The following NCKAP5 variants were observed in gnomAD, a reference collection of about 807,000 sequenced individuals.
NCKAP5 encodes NCK associated protein 5.
A neutral mutation model predicts 167.0 loss-of-function variants in NCKAP5; 92 were observed. The observed-to-expected ratio is 0.55, with a 90% CI of 0.47 to 0.66. The LOEUF (loss-of-function observed/expected upper bound fraction) is 0.66. Among genes scored for constraint, NCKAP5 ranks in the 30% least tolerant of loss-of-function variants. The probability of loss-of-function intolerance (pLI) is 0.00; values close to 1 mark genes in which losing one functional copy is unlikely to be tolerated. For synonymous variants in NCKAP5, 891 were observed against 877.4 expected, an observed-to-expected ratio of 1.02 and a Z score of -0.27; for missense variants, 2,378 against 2,315.0, an observed-to-expected ratio of 1.03 and a Z score of -0.56.
intron 7 of NCKAP5, among the ~76,000 whole-genome samples, chr2:132,965,047 C>T (rs890614919): frequency 5.3e-5 from 8 of 151,942 alleles, no homozygotes; most frequent in South Asian, 2.1e-4. Flanking sequence ...TCAGTGTATA[C>T]GTGTGTGTAT....
At chr2:132,906,802 TTGA>T (rs1694042305) in intron 8 of NCKAP5, among the ~76,000 whole-genome samples, 1 of 152,170 alleles carries the variant, frequency 6.6e-6, no homozygotes, top group Admixed American at 6.5e-5. Context: ...GAGCACTGAT[TTGA>T]TGATGGAGAA....
chr2:133,346,341 A>G (rs1683976057), intron 3 of NCKAP5, among the ~76,000 whole-genome samples: 1 of 152,178 alleles, frequency 6.6e-6, no homozygotes, highest in Admixed American at 6.5e-5. Flanking sequence ...TTCCAAGAAG[A>G]GGAGAGATTG....
intron 3 of NCKAP5, among the ~76,000 whole-genome samples, chr2:133,424,801 C>G (rs939212178): frequency 6.6e-6 from 1 of 152,110 alleles, no homozygotes; most frequent in South Asian, 2.1e-4. Context: ...TTCTGAGGCA[C>G]GTGACAGTTT....
chr2:132,954,634 T>C (rs1328614041), intron 8 of NCKAP5: 5 of 454,976 alleles, frequency 1.1e-5, no homozygotes, highest in Non-Finnish European at 2.2e-5. Flanking sequence ...AAGTATTGAA[T>C]AATGTGGAGA....
chr2:132,899,840 A>T (rs115899093), intron 8 of NCKAP5, among the ~76,000 whole-genome samples: 4,827 of 152,278 alleles, frequency 0.032, 248 homozygotes, highest in African/African-American at 0.11. Flanking sequence ...GAGCCACTAC[A>T]TTCCAGCCTG....
Position 133,288,719 on chromosome 2 carries a change from T to C in NCKAP5, c.143+14318A>G, listed in dbSNP as rs183515709. ...TGGGTCCACCAGCATGCTGTTTCAT[T>C]ACCTCAGGAAGGTTTGGTGCCAAGA... On this transcript the variant is annotated intron_variant, in intron 4 of 19. Transcript: ENST00000409261. 4.7e-4 allele frequency among the ~76,000 whole-genome samples: 72 copies of C among 152,242 alleles called. No homozygotes were observed. The Middle Eastern group carries it at 0.02, about 43-fold the overall frequency.
intron 3 of NCKAP5, among the ~76,000 whole-genome samples, chr2:133,473,276 G>C (rs990419251): frequency 3.3e-5 from 5 of 151,882 alleles, no homozygotes; most frequent in Non-Finnish European, 7.4e-5. Context: ...AGGTTGCAGT[G>C]AGCCGAGATC....
chr2:133,594,950 C>A, the NCKAP5 span, among the ~76,000 whole-genome samples: 2 of 152,144 alleles, frequency 1.3e-5, no homozygotes, highest in Admixed American at 1.3e-4. Context: ...GACAACATCC[C>A]ACCCTCAAGC....
intron 3 of NCKAP5, among the ~76,000 whole-genome samples, chr2:133,416,269 T>C (rs1336549078): frequency 1.3e-5 from 2 of 152,206 alleles, no homozygotes; most frequent in Admixed American, 1.3e-4. Context: ...CTAGTCATCC[T>C]TTCCTAGCAA....
At chr2:133,469,617 C>G (rs1236645089) in intron 3 of NCKAP5, among the ~76,000 whole-genome samples, 4 of 152,266 alleles carry the variant, frequency 2.6e-5, no homozygotes, top group Admixed American at 6.5e-5. Context: ...TTCCAACTTG[C>G]TTCCATTCTC....
At chr2:133,655,934 A>T in the NCKAP5 span, among the ~76,000 whole-genome samples, 1 of 152,190 alleles carries the variant, frequency 6.6e-6, no homozygotes, top group Non-Finnish European at 1.5e-5. Flanking sequence ...TTCAGCAGCC[A>T]AAAGTAATAA....
intron 4 of NCKAP5, among the ~76,000 whole-genome samples, chr2:133,265,835 A>T (rs553582418): frequency 3.3e-5 from 5 of 152,114 alleles, no homozygotes; most frequent in Non-Finnish European, 7.4e-5. Flanking sequence ...TCCCAGTGGC[A>T]CAGCTATGCC....
rs189393477 is a variant in NCKAP5 at position 133,143,473 on chromosome 2, T to C, written c.208-13362A>G. On this transcript the variant is annotated intron_variant, in intron 5 of 19. Coordinates refer to ENST00000409261, the MANE Select transcript of NCKAP5 (RefSeq NM_207363.3). ...TATAACACAGAAATCTGTGGCCTTA[T>C]TTTTTATGGAAAAAGGATCCATGTC... Among the ~76,000 whole-genome samples, 813 of 152,268 alleles carry C rather than the reference T, an allele frequency of 5.3e-3. 2 individuals carry two copies. Among genetic ancestry groups the C allele is most frequent in the Non-Finnish European group, 8.3e-3 (566 of 68,014 alleles).
At chr2:133,123,771 T>C (rs530015201) in intron 6 of NCKAP5, 1 of 471,150 alleles carries the variant, frequency 2.1e-6, no homozygotes, top group African/African-American at 2.0e-5. Context: ...ATTGACAGCT[T>C]TTCTCATCTT....
chr2:133,135,839 A>G (rs987147766), intron 5 of NCKAP5, among the ~76,000 whole-genome samples: 5 of 152,118 alleles, frequency 3.3e-5, no homozygotes, highest in African/African-American at 1.2e-4. Context: ...AAAAACTCAA[A>G]AGTCCTATAT....
chr2:132,859,102 G>A (rs185985120), intron 11 of NCKAP5, among the ~76,000 whole-genome samples: 1 of 152,226 alleles, frequency 6.6e-6, no homozygotes, highest in African/African-American at 2.4e-5. Context: ...AAACAGAATA[G>A]AGATAGATGA....
At position 133,238,033 on chromosome 2, in the gene NCKAP5, A is replaced by T. The variant is rs79440050; in HGVS notation, c.144-24254T>A. Among the ~76,000 whole-genome samples the T allele has an allele frequency of 7.3e-3, 1,105 of 152,214 alleles. 6 individuals are homozygous for T. The highest frequency in any genetic ancestry group is 0.017 in the Middle Eastern group (5 of 294). ...AGCTCCACCACTGTGGCCAATGAAA[A>T]CTTGTCATTCGCTCTCATGCAAAAG... On this transcript the variant is annotated intron_variant, in intron 4 of 19. Transcript: ENST00000409261.
intron 6 of NCKAP5, among the ~76,000 whole-genome samples, chr2:133,018,704 C>A (rs2078428272): frequency 6.6e-6 from 1 of 152,212 alleles, no homozygotes; most frequent in Non-Finnish European, 1.5e-5. Flanking sequence ...CAACAATTAG[C>A]AGGAGACCTT....
rs373590364 is a variant in NCKAP5 at position 132,729,083 on chromosome 2, C to T, written c.5444-131G>A. 12 of 1,150,504 alleles carry T rather than the reference C, an allele frequency of 1.0e-5. No homozygotes were observed. In the South Asian group the frequency reaches 1.7e-4, roughly 16 times the overall value. The allele number at this position is 1,150,504 out of a possible 1,614,324, so 71.3% of individuals were successfully genotyped here. A position where few individuals can be genotyped will look rare whatever the true frequency, so the allele number is the denominator to read the frequency against. On this transcript the variant is annotated intron_variant, in intron 17 of 19. Transcript: ENST00000409261. ...AATACAGTGAAAGCTGGGCTTCCTG[C>T]CACTCTGTCCCACTGTAGTCTGTGC...
Sources: gnomAD v4.1 joint callset for allele counts (sites outside exome capture counted in the v4.1 genomes callset) on GRCh38, gnomAD v4.1.1 for gene constraint, MANE v1.5 for transcripts, NCBI Gene and HGNC (gene_info 2026-07-23, HGNC 2026-07-21) for gene names.